PGLYRP2: variants seen among roughly 807,000 people sequenced by gnomAD.
PGLYRP2 encodes the protein N-acetylmuramoyl-L-alanine amidase.
PGLYRP2 carries 38 observed loss-of-function variants against 46.2 expected under a neutral mutation model. That is an observed-to-expected ratio of 0.82 (90% confidence interval 0.64 to 1.08). The LOEUF is 1.08. Ranked by LOEUF, PGLYRP2 falls within the 50% of genes least tolerant of loss-of-function variation. PGLYRP2 has a pLI of 0.00. For synonymous variants in PGLYRP2, 289 were observed against 329.4 expected (o/e 0.88, Z 1.33); for missense variants, 713 against 755.9 (o/e 0.94, Z 0.67).
chr19:15,474,030 A>T (rs1327881906), intron 2 of PGLYRP2, among the ~76,000 whole-genome samples: 2 of 152,166 alleles, frequency 1.3e-5, no homozygotes, highest in African/African-American at 4.8e-5. Context: ...CTCTAATCAG[A>T]ATAGCTATTA....
intron 3 of PGLYRP2, among the ~76,000 whole-genome samples, chr19:15,470,230 G>GT (rs749240215): frequency 2.7e-5 from 3 of 110,646 alleles, no homozygotes; most frequent in African/African-American, 1.1e-4. Context: ...TCTGTTTTTG[G>GT]GTTTTTTTTC....
At position 15,469,530 on chromosome 19, in the gene PGLYRP2, G is replaced by T; in HGVS notation, c.1641+102C>A. The T allele has an allele frequency of 6.8e-7, 1 of 1,468,256 alleles. No homozygotes were observed. The highest frequency in any genetic ancestry group is 9.2e-7 in the Non-Finnish European group (1 of 1,083,612). The allele number at this position is 1,468,256 out of a possible 1,614,324, so 91.0% of individuals were successfully genotyped here. A position where few individuals can be genotyped will look rare whatever the true frequency, so the allele number is the denominator to read the frequency against. ...GCCGGGAAGTTGGGGGCCTGGCTGA[G>T]GCTGTGCGGGCACAGCTGTTACAGG... On this transcript the variant is annotated intron_variant, in intron 4 of 4. Coordinates refer to ENST00000340880, the MANE Select transcript of PGLYRP2 (RefSeq NM_052890.4). The surrounding 1 kb of genome is among the most constrained non-coding windows in gnomAD (Gnocchi z 4.9).
Position 15,469,761 on chromosome 19 carries a change from C to A in PGLYRP2, c.1512G>T (p.Pro504=), listed in dbSNP as rs909416991. The A allele has an allele frequency of 3.3e-6, 5 of 1,506,934 alleles. No individual in the cohort carries two copies. In the African/African-American group the frequency reaches 7.1e-5, roughly 21 times the overall value. 93.3% of individuals were successfully genotyped at this position (1,506,934 alleles called of 1,614,324 possible). A position where few individuals can be genotyped will look rare whatever the true frequency, so the allele number is the denominator to read the frequency against. The change falls in exon 4 of 5, where the codon CCG becomes CCT. Residue 504 remains proline, a synonymous_variant. Transcript: ENST00000340880. This position sits in a 1 kb window ranked among gnomAD's most constrained non-coding sequence, Gnocchi z 4.9. ...GGAGGCCGGCGCGCACCGCACAACT[C>A]GGGAGCGTGTCGCGCACCGTGCGCA... The part of the protein sequence containing the change: ...AALRTVRDTL[P]SCAVRAGLLR...
intron 2 of PGLYRP2, among the ~76,000 whole-genome samples, chr19:15,473,168 A>G (rs909537120): frequency 2.0e-5 from 3 of 152,090 alleles, no homozygotes; most frequent in Non-Finnish European, 4.4e-5. Flanking sequence ...AACTCTTACC[A>G]TATACAAAAA....
At chr19:15,477,018 G>C (rs1455233591) in intron 1 of PGLYRP2, among the ~76,000 whole-genome samples, 2 of 152,190 alleles carry the variant, frequency 1.3e-5, no homozygotes, top group Non-Finnish European at 2.9e-5. Context: ...AGAGTCCCCA[G>C]ATCGTGAGAG....
chr19:15,474,684 G>C (rs1166540248), intron 2 of PGLYRP2, among the ~76,000 whole-genome samples: 1 of 152,036 alleles, frequency 6.6e-6, no homozygotes, highest in Non-Finnish European at 1.5e-5. Flanking sequence ...ATACTACTCA[G>C]CTGTAAAAAA....
rs1389395023 is a variant in PGLYRP2, at chr19:15,471,958, G to A, written c.1275C>T (p.Cys425=). ...GCTGCATGGAGCGCATGTTGGCTGC[G>A]CAGCGCGTGAAGTCCGTGCAGGGTG... ...PAPPCTDFTR[C]AANMRSMQRY... Residue 425 remains cysteine (C), a synonymous_variant, in exon 3 of 5, where the codon TGC becomes TGT. Transcript: ENST00000340880. The A allele has an allele frequency of 6.2e-7, 1 of 1,614,078 alleles. No individual in the cohort carries two copies. Among genetic ancestry groups the A allele is most frequent in the African/African-American group, 1.3e-5 (1 of 75,066 alleles).
At chr19:15,478,762 A>G (rs2144455712) in intron 1 of PGLYRP2, among the ~76,000 whole-genome samples, 1 of 151,846 alleles carries the variant, frequency 6.6e-6, no homozygotes, top group East Asian at 2.0e-4. Flanking sequence ...CTGGGATTAC[A>G]GGTGCCTGCC....
chr19:15,469,606 G>A lies in PGLYRP2; in HGVS notation c.1641+26C>T, dbSNP rs1293068880. On this transcript the variant is annotated intron_variant, in intron 4 of 4. Transcript: ENST00000340880. The surrounding 1 kb of genome is among the most constrained non-coding windows in gnomAD (Gnocchi z 4.9). Reference sequence around the variant, plus strand: ...TGTGTAGACGGAGGGGCGGCGGGCCGTGTAGTGCAGGCTGCGAAGACTCAC... The same window carrying A: ...TGTGTAGACGGAGGGGCGGCGGGCCATGTAGTGCAGGCTGCGAAGACTCAC... 3 of 1,569,636 alleles carry A rather than the reference G, an allele frequency of 1.9e-6. No homozygotes were observed. The highest frequency in any genetic ancestry group is 1.4e-5 in the African/African-American group (1 of 73,986).
At position 15,479,386 on chromosome 19, in the gene PGLYRP2, A is replaced by G. The variant is rs537669974; in HGVS notation, c.-15T>C. ...CCCTGGGCCATTGTTGCAGGATTCC[A>G]GCTTCCAAGGGGTATTTCTGGTTGG... On this transcript the variant is annotated 5_prime_UTR_variant, in exon 1 of 5. Coordinates refer to ENST00000340880, the MANE Select transcript of PGLYRP2 (RefSeq NM_052890.4). 4 of 1,613,480 alleles carry G rather than the reference A, an allele frequency of 2.5e-6. No individual in the cohort carries two copies. The Admixed American group carries it at 5.0e-5, about 20-fold the overall frequency.
At chr19:15,474,460 C>T (rs542096722) in intron 2 of PGLYRP2, among the ~76,000 whole-genome samples, 4 of 152,216 alleles carry the variant, frequency 2.6e-5, no homozygotes, top group South Asian at 4.1e-4. Context: ...TAAAAAGATA[C>T]CTGCATTCAC....
intron 3 of PGLYRP2, among the ~76,000 whole-genome samples, 156 bp downstream of exon 3, chr19:15,471,734 C>T (rs1039887792): frequency 1.3e-5 from 2 of 152,176 alleles, no homozygotes; most frequent in Non-Finnish European, 2.9e-5. Context: ...GCCTAAGCCA[C>T]GCCACCTCTC....
At position 15,476,348 on chromosome 19, in the gene PGLYRP2, A is replaced by G. The variant is rs1970796228; in HGVS notation, c.322T>C (p.Tyr108His). ...ARHDVREGKEYGVVLAPDGST... is the reference protein window; with the variant it reads ...ARHDVREGKEHGVVLAPDGST... ...CCATCAGGTGCCAGCACCACCCCATATTCCTTCCCTTCTCGTACGTCATGT... is the reference window on the plus strand; with the variant it reads ...CCATCAGGTGCCAGCACCACCCCATGTTCCTTCCCTTCTCGTACGTCATGT... Residue 108 changes from tyrosine to histidine, a missense_variant, in exon 2 of 5, where the codon TAT becomes CAT. Physicochemically the swap from Tyr to His is moderately conservative, Grantham distance 83 (BLOSUM62 2). Transcript: ENST00000340880. 3 of 1,613,928 alleles carry G rather than the reference A, an allele frequency of 1.9e-6. No homozygotes were observed. Among genetic ancestry groups the G allele is most frequent in the South Asian group, 2.2e-5 (2 of 91,066 alleles).
chr19:15,477,715 A>ATAAAATAAAAT (rs1568342833), intron 1 of PGLYRP2, among the ~76,000 whole-genome samples: 8 of 83,106 alleles, frequency 9.6e-5, no homozygotes, highest in Middle Eastern at 6.4e-3. Flanking sequence ...AATAAATAAA[A>ATAAAATAAAAT]TAAAATTAAA....
Position 15,469,719 on chromosome 19 carries a change from C to T in PGLYRP2, c.1554G>A (p.Ala518=), listed in dbSNP as rs1338237117. Residue 518 remains alanine, a synonymous_variant, in exon 4 of 5, where the codon GCG becomes GCA. Coordinates refer to ENST00000340880, the MANE Select transcript of PGLYRP2 (RefSeq NM_052890.4). The surrounding 1 kb of genome is among the most constrained non-coding windows in gnomAD (Gnocchi z 4.9). ...GCACCAGCTGGCGGTGGCCCAGCAG[C>T]GCGTAGTCTGGCCGCAGGAGGCCGG... ...VRAGLLRPDY[A]LLGHRQLVRT... 6.7e-7 allele frequency: 1 copy of T among 1,498,352 alleles called. No homozygotes were observed. Among genetic ancestry groups the T allele is most frequent in the East Asian group, 2.4e-5 (1 of 41,314 alleles). 92.8% of individuals were successfully genotyped at this position (1,498,352 alleles called of 1,614,324 possible). A position where few individuals can be genotyped will look rare whatever the true frequency, so the allele number is the denominator to read the frequency against.
chr19:15,479,244 A>G, intron 1 of PGLYRP2, 67 bp downstream of exon 1: 2 of 1,536,306 alleles, frequency 1.3e-6, no homozygotes, highest in Middle Eastern at 1.7e-4. Context: ...CAAGACATAG[A>G]TGGGACAGCA....
At chr19:15,470,231 G>GTT (rs71176416) in intron 3 of PGLYRP2, among the ~76,000 whole-genome samples, 4 of 131,576 alleles carry the variant, frequency 3.0e-5, no homozygotes, top group African/African-American at 5.8e-5. Context: ...CTGTTTTTGG[G>GTT]TTTTTTTTCT....
Position 15,469,492 on chromosome 19 carries a change from G to A in PGLYRP2, c.1641+140C>T. The A allele has an allele frequency of 8.2e-7, 1 of 1,218,284 alleles. No individual in the cohort carries two copies. The highest frequency in any genetic ancestry group is 1.2e-6 in the Non-Finnish European group (1 of 855,434). 75.5% of individuals were successfully genotyped at this position (1,218,284 alleles called of 1,614,324 possible). ...CGCAAAGGCTGGGCCTAGGTTTCCT[G>A]AATAGACGTGCCGCCGGGAAGTTGG... On this transcript the variant is annotated intron_variant, in intron 4 of 4. Transcript: ENST00000340880. This position sits in a 1 kb window ranked among gnomAD's most constrained non-coding sequence, Gnocchi z 4.9.
In PGLYRP2 at chr19:15,469,875, C is replaced by A; in HGVS notation, c.1398G>T (p.Val466=). 1 of 1,489,132 alleles carries A rather than the reference C, an allele frequency of 6.7e-7. No homozygotes were observed. Among genetic ancestry groups the A allele is most frequent in the Non-Finnish European group, 8.9e-7 (1 of 1,129,646 alleles). The allele number at this position is 1,489,132 out of a possible 1,614,324, so 92.2% of individuals were successfully genotyped here. The change falls in exon 4 of 5, where the codon GTG becomes GTT. Residue 466 remains valine, a synonymous_variant. Transcript: ENST00000340880. This position sits in a 1 kb window ranked among gnomAD's most constrained non-coding sequence, Gnocchi z 4.9. ...AGTTGTGGCCGAGCGTGTGGGCGCCCACCCAGTGCCAGCCGCGTCCCTCGT... is the reference window on the plus strand; with the variant it reads ...AGTTGTGGCCGAGCGTGTGGGCGCCAACCCAGTGCCAGCCGCGTCCCTCGT... ...YVYEGRGWHW[V]GAHTLGHNSR...
Sources: gnomAD v4.1 joint callset for allele counts (sites outside exome capture counted in the v4.1 genomes callset) on GRCh38, gnomAD v4.1.1 for gene constraint, Gnocchi (gnomAD v3.1) non-coding constraint, MANE v1.5 for transcripts, NCBI Gene and HGNC (gene_info 2026-07-23, HGNC 2026-07-21) for gene names.